Variants in NRSN1 observed in about 807,000 individuals in gnomAD.
NRSN1 encodes neurensin 1, also known as neurensin-1.
A neutral mutation model predicts 17.3 loss-of-function variants in NRSN1; 14 were observed. The observed-to-expected ratio is 0.81, with a 90% CI of 0.54 to 1.27. NRSN1 has a LOEUF of 1.27. Among genes scored for constraint, NRSN1 ranks in the 50% most tolerant of loss-of-function variants. The pLI, the probability that NRSN1 is intolerant of heterozygous loss-of-function variation, is 0.00. For missense variants in NRSN1, 209 were observed against 235.9 expected, an observed-to-expected ratio of 0.89 and a Z score of 0.75; for synonymous variants, 79 against 94.2, an observed-to-expected ratio of 0.84 and a Z score of 0.93.
intron 2 of NRSN1, among the ~76,000 whole-genome samples, chr6:24,132,955 T>C (rs1282111087): frequency 6.6e-6 from 1 of 152,244 alleles, no homozygotes; most frequent in African/African-American, 2.4e-5. Flanking sequence ...TTTCCAGCTA[T>C]ACATTTATTT....
chr6:24,139,170 A>G (rs1760160559), intron 3 of NRSN1, among the ~76,000 whole-genome samples: 1 of 152,196 alleles, frequency 6.6e-6, no homozygotes, highest in Admixed American at 6.5e-5. Context: ...CAACTTTATT[A>G]GATTCCACAT....
At chr6:24,139,237 A>G (rs1051008319) in intron 3 of NRSN1, among the ~76,000 whole-genome samples, 4 of 152,202 alleles carry the variant, frequency 2.6e-5, no homozygotes, top group Admixed American at 6.5e-5. Context: ...CACTTGACAT[A>G]ATGTCCTGTG....
chr6:24,140,995 T>A (rs761859202), intron 3 of NRSN1: 9 of 1,458,130 alleles, frequency 6.2e-6, no homozygotes, highest in Non-Finnish European at 8.2e-6. Flanking sequence ...AAAACTGTCC[T>A]CGCTGCTGTT....
chr6:24,130,079 C>A (rs931601822), intron 2 of NRSN1, among the ~76,000 whole-genome samples: 1 of 152,266 alleles, frequency 6.6e-6, no homozygotes, highest in East Asian at 1.9e-4. Context: ...CATGTACCTC[C>A]TGTGATATTA....
At chr6:24,128,023 T>C (rs772298054) in intron 1 of NRSN1, 105 bp from the exon 2 acceptor site, 1 of 152,230 alleles carries the variant, frequency 6.6e-6, no homozygotes, top group Non-Finnish European at 1.5e-5. Context: ...TCTTTGTCAA[T>C]GCTTTTGTGA....
chr6:24,140,423 C>T (rs981089989), intron 3 of NRSN1, among the ~76,000 whole-genome samples: 1 of 152,146 alleles, frequency 6.6e-6, no homozygotes, highest in Non-Finnish European at 1.5e-5. Flanking sequence ...CGATTATCGC[C>T]AGGCATCGGT....
intron 3 of NRSN1, among the ~76,000 whole-genome samples, chr6:24,138,895 G>C (rs994604704): frequency 2.6e-5 from 4 of 152,176 alleles, no homozygotes; most frequent in Non-Finnish European, 5.9e-5. Context: ...ACAACATGTT[G>C]TTTTGAAATA....
intron 2 of NRSN1, among the ~76,000 whole-genome samples, chr6:24,132,037 C>T (rs561712207): frequency 6.6e-6 from 1 of 152,052 alleles, no homozygotes; most frequent in African/African-American, 2.4e-5. Context: ...ATACCTGAAA[C>T]AGAAAAAAGC....
chr6:24,134,463 G>T lies in NRSN1; in HGVS notation c.136G>T (p.Asp46Tyr). The T allele has an allele frequency of 6.2e-7, 1 of 1,614,148 alleles. No homozygotes were observed. Among genetic ancestry groups the T allele is most frequent in the Non-Finnish European group, 8.5e-7 (1 of 1,180,014 alleles). ...DCTASIWEYEDDFQIQRSPNR... is the reference protein window; with the variant it reads ...DCTASIWEYEYDFQIQRSPNR... ...TACAGCCTCAATTTGGGAGTATGAG[G>T]ATGATTTCCAGATCCAAAGATCACC... The change falls in exon 3 of 4, where the codon GAT (aspartate) becomes TAT (tyrosine). Residue 46 changes from aspartate to tyrosine, a missense_variant. By Grantham distance (160) the Asp-to-Tyr change is radical. Transcript: ENST00000378491.
rs960605750 is a variant in NRSN1 at position 24,128,267 on chromosome 6, G to C, written c.-10+67G>C. The C allele has an allele frequency of 3.9e-5, 6 of 152,136 alleles. No homozygotes were observed. The South Asian group carries it at 6.2e-4, about 16-fold the overall frequency. The allele number at this position is 152,136 out of a possible 1,614,324, so 9.4% of individuals were successfully genotyped here. On this transcript the variant is annotated intron_variant, in intron 2 of 3. Transcript: ENST00000378491. ...TGTGTATGCATGTAGATAAAGAAGAGATTAAAAGAGAATATGGGTTCTTTT... is the reference window on the plus strand; with the variant it reads ...TGTGTATGCATGTAGATAAAGAAGACATTAAAAGAGAATATGGGTTCTTTT...
chr6:24,133,988 C>T (rs1356704945), intron 2 of NRSN1, among the ~76,000 whole-genome samples: 2 of 141,788 alleles, frequency 1.4e-5, no homozygotes, highest in Non-Finnish European at 3.1e-5. Flanking sequence ...AGGTGCCCAC[C>T]ACCACACCCA....
rs1370764990 is a variant in NRSN1, at chr6:24,146,007, A to G, written c.*61A>G. 2.0e-6 allele frequency: 3 copies of G among 1,515,594 alleles called. No individual in the cohort carries two copies. The highest frequency in any genetic ancestry group is 1.2e-5 in the South Asian group (1 of 82,264). 93.9% of individuals were successfully genotyped at this position (1,515,594 alleles called of 1,614,324 possible). A position where few individuals can be genotyped will look rare whatever the true frequency, so the allele number is the denominator to read the frequency against. ...TGCCCGTGGTTAAAAAGAGCAGGCCAGTTTTCGAGATAAAGAAGATTTGGC... is the reference window on the plus strand; with the variant it reads ...TGCCCGTGGTTAAAAAGAGCAGGCCGGTTTTCGAGATAAAGAAGATTTGGC... On this transcript the variant is annotated 3_prime_UTR_variant, in exon 4 of 4. Transcript: ENST00000378491.
At position 24,142,191 on chromosome 6, in the gene NRSN1, CTTTT is replaced by C. The variant is rs751168423; in HGVS notation, c.190-3337_190-3334del. Among the ~76,000 whole-genome samples, 84 of 44,456 alleles carry C rather than the reference CTTTT, an allele frequency of 1.9e-3. 1 individual carries two copies. The highest frequency in any genetic ancestry group is 4.0e-3 in the Admixed American group (9 of 2,244). 29.2% of individuals were successfully genotyped at this position (44,456 alleles called of 152,430 possible). A position where few individuals can be genotyped will look rare whatever the true frequency, so the allele number is the denominator to read the frequency against. ...AGCACTTATGTCTTATACAGAACAG[CTTTT>C]TTTTTTTTTTTTTTTTTTTCAGAAG... On this transcript the variant is annotated intron_variant, in intron 3 of 3. Coordinates refer to ENST00000378491, the MANE Select transcript of NRSN1 (RefSeq NM_080723.5).
intron 3 of NRSN1, among the ~76,000 whole-genome samples, chr6:24,142,191 C>CTTTTTTTTTTTTTTTTTTTTTT (rs751168423): frequency 4.5e-5 from 2 of 44,446 alleles, no homozygotes; most frequent in Non-Finnish European, 8.4e-5. Flanking sequence ...TACAGAACAG[C>CTTTTTTTTTTTTTTTTTTTTTT]TTTTTTTTTT....
intron 3 of NRSN1, among the ~76,000 whole-genome samples, chr6:24,142,257 T>A (rs1223672608): frequency 6.8e-6 from 1 of 147,558 alleles, no homozygotes; most frequent in African/African-American, 2.5e-5. Flanking sequence ...CCTTACAATA[T>A]GAGATACTGG....
At chr6:24,139,045 T>C (rs755728777) in intron 3 of NRSN1, among the ~76,000 whole-genome samples, 13 of 152,218 alleles carry the variant, frequency 8.5e-5, no homozygotes, top group Admixed American at 3.9e-4. Context: ...GTCACCATGT[T>C]GTACAATAGG....
In NRSN1 at chr6:24,146,272, C is replaced by G; in HGVS notation, c.*326C>G. On this transcript the variant is annotated 3_prime_UTR_variant, in exon 4 of 4. Transcript: ENST00000378491. The stretch of plus-strand genomic sequence containing the variant: ...GTTTGAAAGTGCCGAACAGTTTAGA[C>G]CAGCTCACCAATGGCTAATGTGGTC... 1.7e-6 allele frequency: 1 copy of G among 573,282 alleles called. No homozygotes were observed. The highest frequency in any genetic ancestry group is 1.5e-5 in the South Asian group (1 of 65,506). The allele number at this position is 573,282 out of a possible 1,614,324, so 35.5% of individuals were successfully genotyped here.
intron 3 of NRSN1, among the ~76,000 whole-genome samples, chr6:24,139,235 A>G (rs563553309): frequency 1.5e-4 from 23 of 152,304 alleles, no homozygotes; most frequent in Middle Eastern, 6.8e-3. Context: ...TTCACTTGAC[A>G]TAATGTCCTG....
At position 24,145,775 on chromosome 6, in the gene NRSN1, T is replaced by C. The variant is rs774409904; in HGVS notation, c.417T>C (p.Phe139=). The C allele has an allele frequency of 1.9e-6, 3 of 1,614,062 alleles. No homozygotes were observed. Among genetic ancestry groups the C allele is most frequent in the Non-Finnish European group, 2.5e-6 (3 of 1,180,032 alleles). The change falls in exon 4 of 4, where the codon TTT becomes TTC. Residue 139 remains phenylalanine (F), a synonymous_variant. Coordinates refer to ENST00000378491, the MANE Select transcript of NRSN1 (RefSeq NM_080723.5). The surrounding 1 kb of genome is among the most constrained non-coding windows in gnomAD (Gnocchi z 4.4). The stretch of plus-strand genomic sequence containing the variant: ...CAGGGTGCCTGCTGATGTCGGTGTT[T>C]GTAAAGAGCTACTCCAAAGAAGAAA... ...SMAGCLLMSV[F]VKSYSKEEKF...
Sources: allele counts gnomAD v4.1 joint callset (sites outside exome capture counted in the v4.1 genomes callset), GRCh38; gene constraint gnomAD v4.1.1; non-coding constraint Gnocchi (gnomAD v3.1); transcripts MANE v1.5; gene names NCBI Gene and HGNC (gene_info 2026-07-23, HGNC 2026-07-21).